Variants in BLOC1S6 observed in about 807,000 individuals in gnomAD.
BLOC1S6 encodes biogenesis of lysosome-related organelles complex 1 subunit 6.
In BLOC1S6, 24 loss-of-function variants were observed where a neutral mutation model predicts 24.7. That is an observed-to-expected ratio of 0.97 (90% CI 0.70 to 1.37). BLOC1S6 has a LOEUF of 1.37. Ranked by LOEUF, BLOC1S6 falls within the 40% of genes most tolerant of loss-of-function variation. The pLI is 0.00. For synonymous variants in BLOC1S6, 76 were observed against 72.6 expected, an observed-to-expected ratio of 1.05 and a Z score of -0.23; for missense variants, 175 against 196.2, an observed-to-expected ratio of 0.89 and a Z score of 0.64.
intron 3 of BLOC1S6, among the ~76,000 whole-genome samples, chr15:45,603,450 C>T (rs1469531860): frequency 1.3e-5 from 2 of 152,190 alleles, no homozygotes; most frequent in Non-Finnish European, 2.9e-5. Flanking sequence ...TGGCTCATAC[C>T]TGTAATCCCA....
In BLOC1S6 at chr15:45,606,596, C is replaced by T; in HGVS notation, c.*82C>T. ...AGTGTAGACTGAAGTTGAGGTAGTG[C>T]CTTATGCCATTATGTCATATGTTGA... On this transcript the variant is annotated 3_prime_UTR_variant, in exon 5 of 5. Transcript: ENST00000220531. The T allele has an allele frequency of 6.3e-7, 1 of 1,575,832 alleles. No individual in the cohort carries two copies. Among genetic ancestry groups the T allele is most frequent in the Non-Finnish European group, 8.7e-7 (1 of 1,146,064 alleles).
chr15:45,603,269 TTA>T, intron 3 of BLOC1S6, 82 bp downstream of exon 3: 41 of 877,486 alleles, frequency 4.7e-5, no homozygotes, highest in Non-Finnish European at 7.0e-5. Context: ...AGCTAAGATT[TTA>T]AGCTTAGAAT....
At chr15:45,604,368 C>A (rs529437311) in intron 3 of BLOC1S6, among the ~76,000 whole-genome samples, 6 of 152,298 alleles carry the variant, frequency 3.9e-5, no homozygotes, top group Non-Finnish European at 8.8e-5. Flanking sequence ...GAAGTAAATA[C>A]AGAGCCATCT....
Position 45,606,752 on chromosome 15 carries a change from T to A in BLOC1S6, c.*238T>A. On this transcript the variant is annotated 3_prime_UTR_variant, in exon 5 of 5. Coordinates refer to ENST00000220531, the MANE Select transcript of BLOC1S6 (RefSeq NM_012388.4). The stretch of plus-strand genomic sequence containing the variant: ...AATTTTAAAATTTATTATTTTGATC[T>A]TGAATTATTTATAAACTGGAAAGTG... 1.9e-6 allele frequency: 1 copy of A among 513,604 alleles called. No individual in the cohort carries two copies. The highest frequency in any genetic ancestry group is 3.4e-6 in the Non-Finnish European group (1 of 294,894). 31.8% of individuals were successfully genotyped at this position (513,604 alleles called of 1,614,324 possible). A position where few individuals can be genotyped will look rare whatever the true frequency, so the allele number is the denominator to read the frequency against.
intron 1 of BLOC1S6, chr15:45,587,831 G>C (rs968956839): frequency 1.4e-5 from 10 of 692,878 alleles, no homozygotes; most frequent in Admixed American, 8.3e-5. Context: ...CGGCAGTGGT[G>C]GGGGATGGAT....
intron 3 of BLOC1S6, 79 bp downstream of exon 3, chr15:45,603,266 A>C: frequency 1.1e-6 from 1 of 884,650 alleles, no homozygotes; most frequent in Non-Finnish European, 1.8e-6. Flanking sequence ...AATAGCTAAG[A>C]TTTTAAGCTT....
intron 1 of BLOC1S6, among the ~76,000 whole-genome samples, chr15:45,590,052 T>C (rs2140902232): frequency 6.6e-6 from 1 of 152,336 alleles, no homozygotes; most frequent in African/African-American, 2.4e-5. Flanking sequence ...TATTTATTAA[T>C]ACTTAAAGTT....
In BLOC1S6 at chr15:45,606,422, A is replaced by G. The variant is rs1894462699; in HGVS notation, c.427A>G (p.Arg143Gly). Residue 143 changes from arginine (R) to glycine (G), a missense_variant, in exon 5 of 5, where the codon AGG (arginine) becomes GGG (glycine). By Grantham distance (125) the Arg-to-Gly change is moderately radical. Coordinates refer to ENST00000220531, the MANE Select transcript of BLOC1S6 (RefSeq NM_012388.4). ...KKRALKLQQK[R>G]QKEELEREQQ... Reference sequence around the variant, plus strand: ...AAGAGCACTTAAACTGCAGCAGAAGAGGCAAAAAGAAGAGTTGGAAAGGGA... The same window carrying G: ...AAGAGCACTTAAACTGCAGCAGAAGGGGCAAAAAGAAGAGTTGGAAAGGGA... 1.2e-6 allele frequency: 2 copies of G among 1,614,066 alleles called. No homozygotes were observed. Among genetic ancestry groups the G allele is most frequent in the Non-Finnish European group, 1.7e-6 (2 of 1,180,006 alleles).
intron 1 of BLOC1S6, among the ~76,000 whole-genome samples, chr15:45,590,072 ATTG>A (rs1893827213): frequency 6.6e-6 from 1 of 152,108 alleles, no homozygotes; most frequent in African/African-American, 2.4e-5. Flanking sequence ...TGCTGATTGC[ATTG>A]TTATTTTAAT....
In BLOC1S6 at chr15:45,587,380, G is replaced by C; in HGVS notation, c.-64G>C. On this transcript the variant is annotated 5_prime_UTR_variant, in exon 1 of 5. Coordinates refer to ENST00000220531, the MANE Select transcript of BLOC1S6 (RefSeq NM_012388.4). ...GTCCGGCCAGCCGCTGGAGTCGTTA[G>C]GTGCCGCCTTGCTTCTGACGAGCCA... The C allele has an allele frequency of 6.8e-7, 1 of 1,460,888 alleles. No homozygotes were observed. The highest frequency in any genetic ancestry group is 1.2e-5 in the South Asian group (1 of 81,770). The allele number at this position is 1,460,888 out of a possible 1,614,324, so 90.5% of individuals were successfully genotyped here. A position where few individuals can be genotyped will look rare whatever the true frequency, so the allele number is the denominator to read the frequency against.
At chr15:45,603,737 G>A (rs1053091813) in intron 3 of BLOC1S6, among the ~76,000 whole-genome samples, 1 of 151,940 alleles carries the variant, frequency 6.6e-6, no homozygotes, top group Non-Finnish European at 1.5e-5. Context: ...AACAAAAAGA[G>A]CGAACTGGAA....
chr15:45,606,639 T>C lies in BLOC1S6; in HGVS notation c.*125T>C. On this transcript the variant is annotated 3_prime_UTR_variant, in exon 5 of 5. Transcript: ENST00000220531. Reference sequence around the variant, plus strand: ...TATGTTGAAATCCTTATTCCGGTATTACTGTGTCTCCATGCCTTTTTTCCA... The same window carrying C: ...TATGTTGAAATCCTTATTCCGGTATCACTGTGTCTCCATGCCTTTTTTCCA... The C allele has an allele frequency of 1.5e-6, 2 of 1,348,734 alleles. No homozygotes were observed. Among genetic ancestry groups the C allele is most frequent in the South Asian group, 1.2e-5 (1 of 83,822 alleles). 83.5% of individuals were successfully genotyped at this position (1,348,734 alleles called of 1,614,324 possible).
intron 1 of BLOC1S6, 44 bp from the exon 2 acceptor site, chr15:45,592,091 A>T: frequency 6.2e-7 from 1 of 1,604,160 alleles, no homozygotes; most frequent in Non-Finnish European, 8.5e-7. Context: ...CTAAAAAAAT[A>T]AAATAAATAA....
At chr15:45,591,622 A>G (rs28442181) in intron 1 of BLOC1S6, among the ~76,000 whole-genome samples, 2,695 of 151,614 alleles carry the variant, frequency 0.018, 32 homozygotes, top group Non-Finnish European at 0.026. Flanking sequence ...CAATTCTCCC[A>G]CCTTGGCTTC....
intron 3 of BLOC1S6, among the ~76,000 whole-genome samples, chr15:45,603,769 A>T (rs75374426): frequency 4.6e-4 from 69 of 149,450 alleles, no homozygotes; most frequent in Admixed American, 2.7e-4. Flanking sequence ...TTGGGGTACC[A>T]TTTTTTTTTT....
Position 45,587,468 on chromosome 15 carries a change from C to G in BLOC1S6, c.25C>G (p.Pro9Ala). The G allele has an allele frequency of 1.3e-6, 2 of 1,581,984 alleles. No individual in the cohort carries two copies. The highest frequency in any genetic ancestry group is 2.3e-5 in the South Asian group (2 of 86,836). The change falls in exon 1 of 5, where the codon CCG becomes GCG. Residue 9 changes from proline (P) to alanine (A), a missense_variant. Transcript: ENST00000220531. The stretch of plus-strand genomic sequence containing the variant: ...CATGAGTGTCCCTGGGCCGTCGTCT[C>G]CGGACGGGGCCCTGACACGGCCACC... MSVPGPSS[P>A]DGALTRPPYC... is the part of the protein sequence containing the mutation.
upstream of BLOC1S6, chr15:45,587,373 G>A (rs1466390465): frequency 1.4e-6 from 2 of 1,419,876 alleles, no homozygotes; most frequent in South Asian, 1.2e-5. Flanking sequence ...AGCCGCTGGA[G>A]TCGTTAGGTG....
intron 1 of BLOC1S6, among the ~76,000 whole-genome samples, chr15:45,588,299 CT>C (rs1375454007): frequency 1.3e-5 from 2 of 152,200 alleles, no homozygotes; most frequent in African/African-American, 4.8e-5. Context: ...AATATGACTT[CT>C]TTGTATGTAT....
rs146076530 is a variant in BLOC1S6 at position 45,592,319 on chromosome 15, G to A, written c.224+43G>A. The A allele has an allele frequency of 5.6e-6, 9 of 1,603,872 alleles. 1 individual carries two copies. In the African/African-American group the frequency reaches 1.1e-4, roughly 19 times the overall value. ...CAGATATACACTCATTTCCTCTGTG[G>A]CATAGTCACAATTTGTATAATTGTA... On this transcript the variant is annotated intron_variant, in intron 2 of 4. Transcript: ENST00000220531.
Sources: gnomAD v4.1 joint callset for allele counts (sites outside exome capture counted in the v4.1 genomes callset) on GRCh38, gnomAD v4.1.1 for gene constraint, MANE v1.5 for transcripts, NCBI Gene and HGNC (gene_info 2026-07-23, HGNC 2026-07-21) for gene names.